The following ZHX3 variants were observed in gnomAD, a reference collection of about 807,000 sequenced individuals.
The protein encoded by ZHX3 is zinc fingers and homeoboxes 3.
Under a neutral mutation model 64.5 loss-of-function variants are expected in ZHX3, and 20 were observed. The ratio of observed to expected loss-of-function variants is 0.31; its 90% confidence interval spans 0.22 to 0.45. ZHX3 has a LOEUF of 0.45. ZHX3 is among the 20% of genes least tolerant of loss of function. ZHX3 has a pLI of 1.00. For synonymous variants in ZHX3, 423 were observed against 461.6 expected (o/e 0.92, Z 1.07); for missense variants, 1,041 against 1,195.8 (o/e 0.87, Z 1.91).
rs927436074 is a variant in ZHX3 at position 41,232,100 on chromosome 20, T to G, written c.-150-27034A>C. On this transcript the variant is annotated intron_variant, in intron 2 of 3. Coordinates refer to ENST00000683867, the MANE Select transcript of ZHX3 (RefSeq NM_001384317.1). The surrounding 1 kb of genome is among the most constrained non-coding windows in gnomAD (Gnocchi z 5.0). ...TTTCAAAGGAAGCCACCAAGATGAT[T>G]AAAGGGTTGGAAAATGAGATTTATG... Among the ~76,000 whole-genome samples the G allele has an allele frequency of 2.6e-5, 4 of 152,032 alleles. No individual in the cohort carries two copies. Among genetic ancestry groups the G allele is most frequent in the East Asian group, 1.9e-4 (1 of 5,192 alleles).
chr20:41,211,142 T>C (rs1037798503), intron 2 of ZHX3, among the ~76,000 whole-genome samples: 1 of 152,112 alleles, frequency 6.6e-6, no homozygotes, highest in East Asian at 1.9e-4. Context: ...ATAATAATAA[T>C]AATTGTTTCA....
chr20:41,216,690 A>C (rs991018874), intron 2 of ZHX3, among the ~76,000 whole-genome samples: 1 of 152,214 alleles, frequency 6.6e-6, no homozygotes. Flanking sequence ...CCATCCCTGC[A>C]CATATTTTTA....
rs1350093112 is a variant in ZHX3 at position 41,200,923 on chromosome 20, G to T, written c.2860+1134C>A. Among the ~76,000 whole-genome samples, 1 of 152,174 alleles carries T rather than the reference G, an allele frequency of 6.6e-6. No individual in the cohort carries two copies. The highest frequency in any genetic ancestry group is 1.9e-4 in the East Asian group (1 of 5,190). On this transcript the variant is annotated intron_variant, in intron 3 of 3. Transcript: ENST00000683867. The surrounding 1 kb of genome is among the most constrained non-coding windows in gnomAD (Gnocchi z 4.2). ...TATTCAGAGAAAGAAAAAGAATTTT[G>T]TCCTTTTTAAGACATCCTAAGTAGA...
At chr20:41,211,719 T>C (rs575591044) in intron 2 of ZHX3, among the ~76,000 whole-genome samples, 2 of 152,338 alleles carry the variant, frequency 1.3e-5, no homozygotes, top group African/African-American at 4.8e-5. Flanking sequence ...TATCCACCCC[T>C]GCTGTTGAAA....
chr20:41,268,583 A>G (rs2042975693), intron 2 of ZHX3, among the ~76,000 whole-genome samples: 1 of 152,226 alleles, frequency 6.6e-6, no homozygotes. Flanking sequence ...TATGGCTTGA[A>G]TAATTGGTAT....
chr20:41,240,644 C>A (rs1339341801), intron 2 of ZHX3, among the ~76,000 whole-genome samples: 1 of 152,052 alleles, frequency 6.6e-6, no homozygotes, highest in Non-Finnish European at 1.5e-5. Flanking sequence ...ATCCCTATTT[C>A]CCCCCCGTCA....
chr20:41,214,182 T>C (rs1489852529), intron 2 of ZHX3, among the ~76,000 whole-genome samples: 6 of 152,222 alleles, frequency 3.9e-5, no homozygotes, highest in African/African-American at 1.4e-4. Flanking sequence ...GACCATTGAC[T>C]ATAAGCAATT....
chr20:41,193,206 C>T (rs888909472), intron 3 of ZHX3, among the ~76,000 whole-genome samples: 20 of 152,280 alleles, frequency 1.3e-4, no homozygotes, highest in South Asian at 2.1e-4. Flanking sequence ...TGTAAAAATG[C>T]GACTATGCTT....
chr20:41,292,653 G>T (rs552682110), intron 1 of ZHX3, among the ~76,000 whole-genome samples: 8 of 152,288 alleles, frequency 5.3e-5, no homozygotes, highest in African/African-American at 1.9e-4. Context: ...AATTTCAACA[G>T]TGCATCCATT....
At chr20:41,263,938 CA>C (rs1220419583) in intron 2 of ZHX3, among the ~76,000 whole-genome samples, 2 of 150,780 alleles carry the variant, frequency 1.3e-5, no homozygotes, top group African/African-American at 4.9e-5. Context: ...CTGGCAAGTG[CA>C]AAAAAAGGAA....
At chr20:41,209,587 A>T (rs1220349965) in intron 2 of ZHX3, among the ~76,000 whole-genome samples, 1 of 152,198 alleles carries the variant, frequency 6.6e-6, no homozygotes, top group Non-Finnish European at 1.5e-5. Context: ...AAAAACAAGA[A>T]ATGGGGAAAG....
chr20:41,240,833 A>T (rs1049172704), intron 2 of ZHX3, among the ~76,000 whole-genome samples: 1 of 152,222 alleles, frequency 6.6e-6, no homozygotes, highest in African/African-American at 2.4e-5. Context: ...GTTGTTGCAA[A>T]TGACAAGATC....
At chr20:41,245,074 T>C (rs2041610194) in intron 2 of ZHX3, among the ~76,000 whole-genome samples, 3 of 151,652 alleles carry the variant, frequency 2.0e-5, no homozygotes, top group South Asian at 2.1e-4. Flanking sequence ...GGGATGGGGG[T>C]TGAGGAAAGG....
intron 2 of ZHX3, among the ~76,000 whole-genome samples, chr20:41,247,055 G>GT (rs1455950708): frequency 6.6e-6 from 1 of 152,194 alleles, no homozygotes; most frequent in Non-Finnish European, 1.5e-5. Context: ...GAGCCTAGGA[G>GT]TTTGAGACCA....
rs1600746490 is a variant in ZHX3 at position 41,201,116 on chromosome 20, C to T, written c.2860+941G>A. Among the ~76,000 whole-genome samples, 1 of 152,220 alleles carries T rather than the reference C, an allele frequency of 6.6e-6. No individual in the cohort carries two copies. The highest frequency in any genetic ancestry group is 2.4e-5 in the African/African-American group (1 of 41,456). On this transcript the variant is annotated intron_variant, in intron 3 of 3. Coordinates refer to ENST00000683867, the MANE Select transcript of ZHX3 (RefSeq NM_001384317.1). The surrounding 1 kb of genome is among the most constrained non-coding windows in gnomAD (Gnocchi z 5.0). ...GGATGAGGTACCAAACACAAGGCCC[C>T]ACACTGAGGCAGCTCATGCCAAAGT... is the stretch of plus-strand genomic sequence containing the variant.
intron 2 of ZHX3, among the ~76,000 whole-genome samples, chr20:41,214,536 A>G (rs2039384609): frequency 6.6e-6 from 1 of 152,230 alleles, no homozygotes; most frequent in Non-Finnish European, 1.5e-5. Context: ...ATTTTCCTCC[A>G]GCATTTATTA....
rs925746493 is a variant in ZHX3 at position 41,227,122 on chromosome 20, CA to C, written c.-150-22057del. 2.2e-4 allele frequency among the ~76,000 whole-genome samples: 33 copies of C among 152,246 alleles called. 1 individual carries two copies. The highest frequency in any genetic ancestry group is 7.9e-4 in the African/African-American group (33 of 41,538). On this transcript the variant is annotated intron_variant, in intron 2 of 3. Transcript: ENST00000683867. Reference sequence around the variant, plus strand: ...TCTTATGCTGCCCAACTAATGGGACCAACTGGATTTGCTCAATAAAGTTCTG... The same window carrying C: ...TCTTATGCTGCCCAACTAATGGGACCACTGGATTTGCTCAATAAAGTTCTG...
intron 2 of ZHX3, among the ~76,000 whole-genome samples, chr20:41,268,397 T>C (rs1319283525): frequency 6.6e-6 from 1 of 152,180 alleles, no homozygotes; most frequent in Non-Finnish European, 1.5e-5. Context: ...CCGTATTAAG[T>C]TTAGCATTAA....
intron 1 of ZHX3, among the ~76,000 whole-genome samples, chr20:41,297,841 A>G (rs1264828374): frequency 1.3e-5 from 2 of 152,008 alleles, no homozygotes; most frequent in Non-Finnish European, 2.9e-5. Flanking sequence ...TAAAGGAAAC[A>G]CCCCTCAGTT....
Sources: gnomAD v4.1 joint callset for allele counts (sites outside exome capture counted in the v4.1 genomes callset) on GRCh38, gnomAD v4.1.1 for gene constraint, Gnocchi (gnomAD v3.1) non-coding constraint, MANE v1.5 for transcripts, NCBI Gene and HGNC (gene_info 2026-07-23, HGNC 2026-07-21) for gene names.